The following ANKRD44 variants were observed in gnomAD, a reference collection of about 807,000 sequenced individuals.
ANKRD44 encodes the protein serine/threonine-protein phosphatase 6 regulatory ankyrin repeat subunit B.
Under a neutral mutation model 116.0 loss-of-function variants are expected in ANKRD44, and 35 were observed. That is an observed-to-expected ratio of 0.30 (90% CI 0.23 to 0.40). The LOEUF (loss-of-function observed/expected upper bound fraction) is 0.40, where lower values mean the gene tolerates loss of function less well. ANKRD44 is among the 10% of genes least tolerant of loss of function. ANKRD44 has a pLI of 1.00. For missense variants in ANKRD44, 1,014 were observed against 1,242.6 expected, an observed-to-expected ratio of 0.82 and a Z score of 2.77; for synonymous variants, 435 against 461.8, an observed-to-expected ratio of 0.94 and a Z score of 0.74.
rs1009312874 is a variant in ANKRD44 at position 197,122,581 on chromosome 2, T to C, written c.693+69A>G. 1.7e-5 allele frequency: 26 copies of C among 1,542,532 alleles called. No homozygotes were observed. The African/African-American group carries it at 3.2e-4, about 19-fold the overall frequency. ...CCCTTGAATTAAAGTGCAAACAGGA[T>C]TTAACTTTAGAATAACAGAAATCTT... is the stretch of plus-strand genomic sequence containing the variant. On this transcript the variant is annotated intron_variant, in intron 7 of 27. Transcript: ENST00000282272.
chr2:197,159,979 C>A (rs1388066440), intron 2 of ANKRD44, among the ~76,000 whole-genome samples: 1 of 152,154 alleles, frequency 6.6e-6, no homozygotes, highest in Non-Finnish European at 1.5e-5. Context: ...ATTTTGGAGG[C>A]CTTTGGTTCT....
At chr2:197,039,066 A>C (rs1422884965) in intron 16 of ANKRD44, among the ~76,000 whole-genome samples, 3 of 152,248 alleles carry the variant, frequency 2.0e-5, no homozygotes, top group Non-Finnish European at 2.9e-5. Flanking sequence ...CAAAATAAAA[A>C]TATAAAATTA....
chr2:197,146,550 A>G (rs1346196310), intron 3 of ANKRD44, among the ~76,000 whole-genome samples: 1 of 151,454 alleles, frequency 6.6e-6, no homozygotes, highest in African/African-American at 2.5e-5. Flanking sequence ...TAGTGTTTAT[A>G]TAGCATGTAT....
chr2:197,065,297 T>C (rs1436572322), intron 16 of ANKRD44, among the ~76,000 whole-genome samples: 8 of 152,152 alleles, frequency 5.3e-5, no homozygotes, highest in Non-Finnish European at 7.3e-5. Context: ...GGGACACATT[T>C]AAAGCAGTGT....
chr2:197,065,210 A>G (rs2077404784), intron 16 of ANKRD44, among the ~76,000 whole-genome samples: 1 of 152,240 alleles, frequency 6.6e-6, no homozygotes, highest in South Asian at 2.1e-4. Flanking sequence ...ACTACTGGGT[A>G]CATAACGAAA....
intron 16 of ANKRD44, among the ~76,000 whole-genome samples, chr2:197,028,550 T>A (rs2076641555): frequency 6.6e-6 from 1 of 152,208 alleles, no homozygotes; most frequent in Non-Finnish European, 1.5e-5. Flanking sequence ...AAACACCACA[T>A]TTCCTAGACT....
rs532774320 is a variant in ANKRD44 at position 197,024,189 on chromosome 2, A to G, written c.1722+1007T>C. Among the ~76,000 whole-genome samples, 10 of 152,246 alleles carry G rather than the reference A, an allele frequency of 6.6e-5. No homozygotes were observed. In the South Asian group the frequency reaches 2.1e-3, roughly 32 times the overall value. ...TCTTCTCTCCAAAATTTCCAGGTCA[A>G]TTTTTCATCAGAATGACACTGAAGG... is the stretch of plus-strand genomic sequence containing the variant. On this transcript the variant is annotated intron_variant, in intron 17 of 27. Transcript: ENST00000282272.
intron 21 of ANKRD44, among the ~76,000 whole-genome samples, chr2:196,978,587 T>C (rs2075776053): frequency 6.6e-6 from 1 of 152,150 alleles, no homozygotes; most frequent in Non-Finnish European, 1.5e-5. Context: ...AAGTAATTAT[T>C]GGTTGCCAGG....
At chr2:197,189,171 C>T (rs930786812) in intron 1 of ANKRD44, among the ~76,000 whole-genome samples, 1 of 152,116 alleles carries the variant, frequency 6.6e-6, no homozygotes, top group Admixed American at 6.5e-5. Context: ...GAGTAAGATT[C>T]CTTGAGGAAA....
intron 2 of ANKRD44, among the ~76,000 whole-genome samples, chr2:197,173,208 T>C (rs1318206680): frequency 6.6e-6 from 1 of 152,202 alleles, no homozygotes; most frequent in Non-Finnish European, 1.5e-5. Flanking sequence ...GTGATCTTTC[T>C]AGAAAAGTTT....
chr2:197,121,325 G>A lies in ANKRD44; in HGVS notation c.906+7C>T, dbSNP rs758500797. 5.0e-5 allele frequency: 80 copies of A among 1,612,458 alleles called. No homozygotes were observed. The highest frequency in any genetic ancestry group is 1.6e-4 in the Middle Eastern group (1 of 6,082). ...GGCATTCAACACAGAGACTAAGAGT[G>A]TCATACCTGAATGTTAACATCTGCC... On this transcript the variant is annotated splice_region_variant and intron_variant, in intron 8 of 27. Coordinates refer to ENST00000282272, the MANE Select transcript of ANKRD44 (RefSeq NM_001195144.2).
intron 2 of ANKRD44, among the ~76,000 whole-genome samples, chr2:197,152,067 C>T (rs1423416210): frequency 6.6e-6 from 1 of 152,202 alleles, no homozygotes; most frequent in Admixed American, 6.5e-5. Flanking sequence ...CCTTCTGGGT[C>T]AGTTAGTGAG....
At chr2:197,183,068 C>A (rs1305092331) in intron 2 of ANKRD44, among the ~76,000 whole-genome samples, 1 of 152,066 alleles carries the variant, frequency 6.6e-6, no homozygotes, top group East Asian at 1.9e-4. Context: ...TAGAATAAAT[C>A]TCAATGAGTC....
At chr2:197,243,127 T>C (rs2082123891) in intron 1 of ANKRD44, among the ~76,000 whole-genome samples, 2 of 152,198 alleles carry the variant, frequency 1.3e-5, no homozygotes, top group Admixed American at 6.5e-5. Context: ...CAGAATAATA[T>C]TAGAAAAGCT....
chr2:197,099,533 C>T, intron 10 of ANKRD44: 1 of 1,125,182 alleles, frequency 8.9e-7, no homozygotes, highest in Non-Finnish European at 1.1e-6. Context: ...TTGGGAAGGA[C>T]AGAAGAATAT....
chr2:197,141,611 A>G (rs1046649179), intron 3 of ANKRD44, among the ~76,000 whole-genome samples: 4 of 152,178 alleles, frequency 2.6e-5, no homozygotes, highest in Non-Finnish European at 5.9e-5. Flanking sequence ...GTCCCTTGAG[A>G]AATTTCAAGG....
chr2:196,991,277 A>C (rs1456847217), intron 27 of ANKRD44, among the ~76,000 whole-genome samples: 1 of 152,168 alleles, frequency 6.6e-6, no homozygotes, highest in Non-Finnish European at 1.5e-5. Context: ...GCAACAGGAC[A>C]ATCAGGAGGA....
intron 16 of ANKRD44, among the ~76,000 whole-genome samples, chr2:197,052,515 T>C (rs1046523177): frequency 6.6e-6 from 1 of 152,052 alleles, no homozygotes; most frequent in Non-Finnish European, 1.5e-5. Context: ...ATCTAATTAC[T>C]TACCTTAGAG....
intron 1 of ANKRD44, among the ~76,000 whole-genome samples, chr2:197,243,115 C>T (rs1032648653): frequency 5.3e-5 from 8 of 152,160 alleles, no homozygotes; most frequent in African/African-American, 1.9e-4. Flanking sequence ...GCAGTAGATA[C>T]ACAGAATAAT....
Sources: gnomAD v4.1 joint callset for allele counts (sites outside exome capture counted in the v4.1 genomes callset) on GRCh38, gnomAD v4.1.1 for gene constraint, MANE v1.5 for transcripts, NCBI Gene and HGNC (gene_info 2026-07-23, HGNC 2026-07-21) for gene names.